N4BP2: variants seen among roughly 807,000 people sequenced by gnomAD.
N4BP2 encodes the protein NEDD4 binding protein 2.
In N4BP2, 91 loss-of-function variants were observed where a neutral mutation model predicts 152.8. The ratio of observed to expected loss-of-function variants is 0.60; its 90% CI spans 0.50 to 0.71. The LOEUF (loss-of-function observed/expected upper bound fraction) is 0.71, where lower values mean the gene tolerates loss of function less well. N4BP2 is among the 30% of genes least tolerant of loss of function. N4BP2 has a pLI of 0.00. For synonymous variants in N4BP2, 646 were observed against 705.3 expected (o/e 0.92, Z 1.33); for missense variants, 1,923 against 2,059.1 (o/e 0.93, Z 1.28).
intron 10 of N4BP2, among the ~76,000 whole-genome samples, chr4:40,123,772 A>G (rs145943433): frequency 1.3e-5 from 2 of 152,060 alleles, no homozygotes; most frequent in East Asian, 1.9e-4. Context: ...GGCATGAGCC[A>G]CTGTGCCTGA....
rs118012789 is a variant in N4BP2, at chr4:40,117,982, G to A, written c.1778G>A (p.Arg593His). Residue 593 changes from arginine to histidine, a missense_variant, in exon 8 of 18, where the codon CGT becomes CAT. Coordinates refer to ENST00000261435, the MANE Select transcript of N4BP2 (RefSeq NM_018177.6). ...TCTTCGGTTCCAGAGAAAATTGAAC[G>A]TATTGAGTTGTGTGCATATTCTTGT... ...MSSSVPEKIE[R>H]IELCAYSCED... is the part of the protein sequence containing the mutation. The A allele has an allele frequency of 7.7e-5, 124 of 1,610,892 alleles. No homozygotes were observed. Among genetic ancestry groups the A allele is most frequent in the African/African-American group, 3.9e-4 (29 of 74,872 alleles).
At chr4:40,088,361 T>A (rs1307491757) in intron 2 of N4BP2, among the ~76,000 whole-genome samples, 1 of 152,188 alleles carries the variant, frequency 6.6e-6, no homozygotes, top group Non-Finnish European at 1.5e-5. Flanking sequence ...AACTGCAGAA[T>A]ATTTTTCAGA....
At chr4:40,077,666 C>G (rs1578965546) in intron 2 of N4BP2, among the ~76,000 whole-genome samples, 1 of 151,860 alleles carries the variant, frequency 6.6e-6, no homozygotes, top group Middle Eastern at 3.4e-3. Context: ...GTTGACCAGG[C>G]TAGTCTTGAA....
At chr4:40,154,042 A>G in intron 17 of N4BP2, 150 bp from the exon 18 acceptor site, 1 of 579,992 alleles carries the variant, frequency 1.7e-6, no homozygotes. Flanking sequence ...ACAAACCTAG[A>G]TGTTGGTCTT....
chr4:40,134,863 T>TTCTTTCTC (rs1719212400), intron 13 of N4BP2, among the ~76,000 whole-genome samples: 1 of 151,930 alleles, frequency 6.6e-6, no homozygotes, highest in African/African-American at 2.4e-5. Flanking sequence ...GCTTCTTTCT[T>TTCTTTCTC]TCTTTCTCTC....
rs781332398 is a variant in N4BP2, at chr4:40,103,010, C to G, written c.1165C>G (p.His389Asp). The G allele has an allele frequency of 9.3e-6, 15 of 1,614,034 alleles. No homozygotes were observed. The highest frequency in any genetic ancestry group is 1.3e-5 in the Non-Finnish European group (15 of 1,179,996). ...FVAPVVTTAA[H>D]WRSVNYTFPP... ...AGCTCCTGTTGTAACCACAGCTGCA[C>G]ACTGGAGATCTGTCAACTACACATT... The change falls in exon 4 of 18, where the codon CAC becomes GAC. Residue 389 changes from histidine (H) to aspartate (D), a missense_variant. Transcript: ENST00000261435.
rs142511365 is a variant in N4BP2 at position 40,126,811 on chromosome 4, A to G, written c.4527+481A>G. ...CTCGCTCTGTTGCCCAGGCTGGAGT[A>G]CAGTGGTGTAATCTTGGCTCACTGC... On this transcript the variant is annotated intron_variant, in intron 12 of 17. Transcript: ENST00000261435. Among the ~76,000 whole-genome samples, 361 of 150,898 alleles carry G rather than the reference A, an allele frequency of 2.4e-3. 1 individual carries two copies. The highest frequency in any genetic ancestry group is 8.3e-3 in the African/African-American group (342 of 41,124).
At position 40,097,428 on chromosome 4, in the gene N4BP2, C is replaced by T. The variant is rs138317254; in HGVS notation, c.88C>T (p.Arg30Cys). 80 of 1,614,026 alleles carry T rather than the reference C, an allele frequency of 5.0e-5. No homozygotes were observed. The highest frequency in any genetic ancestry group is 4.3e-4 in the South Asian group (39 of 91,070). The change falls in exon 3 of 18, where the codon CGT becomes TGT. Residue 30 changes from arginine to cysteine, a missense_variant. Physicochemically the swap from Arg to Cys is radical, Grantham distance 180. Coordinates refer to ENST00000261435, the MANE Select transcript of N4BP2 (RefSeq NM_018177.6). The stretch of plus-strand genomic sequence containing the variant: ...AGTTGTCGTATCCAGTGTTGCTAGT[C>T]GTGAGGAGCCAACCACTACTCTACC... ...KEVVVSSVASREEPTTTLPSM... is the reference protein window; with the variant it reads ...KEVVVSSVASCEEPTTTLPSM...
intron 13 of N4BP2, among the ~76,000 whole-genome samples, chr4:40,134,918 TC>T: frequency 6.7e-6 from 1 of 149,724 alleles, no homozygotes; most frequent in African/African-American, 2.5e-5. Context: ...TCTCTCTCTC[TC>T]TCTTTCTTTC....
At chr4:40,136,424 G>A (rs532852174) in intron 13 of N4BP2, among the ~76,000 whole-genome samples, 16 of 148,780 alleles carry the variant, frequency 1.1e-4, no homozygotes, top group East Asian at 1.9e-4. Flanking sequence ...TTGCTCTGTC[G>A]CCCAGGCTGG....
At chr4:40,098,768 A>G (rs887934632) in intron 3 of N4BP2, among the ~76,000 whole-genome samples, 13 of 152,236 alleles carry the variant, frequency 8.5e-5, no homozygotes, top group Admixed American at 2.0e-4. Flanking sequence ...TAATACAGCA[A>G]TGAGGAATTA....
At chr4:40,151,895 A>G (rs1020798137) in intron 16 of N4BP2, among the ~76,000 whole-genome samples, 5 of 152,242 alleles carry the variant, frequency 3.3e-5, no homozygotes, top group African/African-American at 4.8e-5. Context: ...GTATTCTATT[A>G]GGAGTATTAG....
At chr4:40,064,518 C>T (rs552850059) in intron 1 of N4BP2, among the ~76,000 whole-genome samples, 7 of 152,276 alleles carry the variant, frequency 4.6e-5, no homozygotes, top group African/African-American at 1.7e-4. Flanking sequence ...TGTGATCCGC[C>T]TGCCTCGGCC....
intron 3 of N4BP2, among the ~76,000 whole-genome samples, chr4:40,100,834 C>A (rs1332370273): frequency 6.6e-6 from 1 of 152,154 alleles, no homozygotes; most frequent in Admixed American, 6.5e-5. Context: ...GAATAATATA[C>A]CTCATGGTAG....
intron 1 of N4BP2, among the ~76,000 whole-genome samples, chr4:40,060,462 C>T (rs1049678232): frequency 1.3e-5 from 2 of 152,020 alleles, no homozygotes; most frequent in South Asian, 2.1e-4. Context: ...TCAGGCTGGT[C>T]GTGAACTCCT....
chr4:40,091,827 C>T (rs1714576039), intron 2 of N4BP2, among the ~76,000 whole-genome samples: 1 of 146,984 alleles, frequency 6.8e-6, no homozygotes, highest in Non-Finnish European at 1.5e-5. Context: ...CAGGCTGGTC[C>T]TGAACTCCTG....
chr4:40,102,167 C>T lies in N4BP2; in HGVS notation c.322C>T (p.Gln108Ter). 1.2e-6 allele frequency: 2 copies of T among 1,613,394 alleles called. No homozygotes were observed. The highest frequency in any genetic ancestry group is 1.7e-6 in the Non-Finnish European group (2 of 1,179,702). ...SSQSFVASEN[Q>*]VGAAESKIME... Reference sequence around the variant, plus strand: ...ACAAAGTTTCGTTGCTTCTGAGAACCAAGTAGGTGCAGCAGAAAGTAAAAT... The same window carrying T: ...ACAAAGTTTCGTTGCTTCTGAGAACTAAGTAGGTGCAGCAGAAAGTAAAAT... The change falls in exon 4 of 18, where the codon CAA (glutamine) becomes TAA (stop). Residue 108 changes from glutamine (Q) to a stop codon, truncating the protein, a stop_gained. Coordinates refer to ENST00000261435, the MANE Select transcript of N4BP2 (RefSeq NM_018177.6). LOFTEE classifies it high-confidence loss of function.
chr4:40,119,114 TC>T (rs1717615201), intron 8 of N4BP2, among the ~76,000 whole-genome samples: 1 of 152,218 alleles, frequency 6.6e-6, no homozygotes, highest in African/African-American at 2.4e-5. Context: ...TACAAATCTT[TC>T]TGTACTTCAG....
chr4:40,129,616 G>A (rs1718734554), intron 12 of N4BP2, among the ~76,000 whole-genome samples: 1 of 152,022 alleles, frequency 6.6e-6, no homozygotes. Flanking sequence ...CATGCAGCCT[G>A]AGAAAGATAA....
Sources: allele counts gnomAD v4.1 joint callset (sites outside exome capture counted in the v4.1 genomes callset), GRCh38; gene constraint gnomAD v4.1.1; transcripts MANE v1.5; gene names NCBI Gene and HGNC (gene_info 2026-07-23, HGNC 2026-07-21).